Variants in PIP4K2A observed in about 807,000 individuals in gnomAD.
PIP4K2A encodes phosphatidylinositol-5-phosphate 4-kinase type 2 alpha, also known as phosphatidylinositol 5-phosphate 4-kinase type-2 alpha.
PIP4K2A carries 14 observed loss-of-function variants against 42.9 expected under a neutral mutation model. The ratio of observed to expected loss-of-function variants is 0.33; its 90% CI spans 0.22 to 0.51. The LOEUF is 0.51. PIP4K2A is among the 20% of genes least tolerant of loss of function. The pLI is 0.97. For missense variants in PIP4K2A, 434 were observed against 519.8 expected (o/e 0.83, Z 1.61); for synonymous variants, 192 against 192.2 (o/e 1.00, Z 0.01).
chr10:22,673,298 T>TA (rs1167535653), intron 1 of PIP4K2A, among the ~76,000 whole-genome samples: 1 of 152,238 alleles, frequency 6.6e-6, no homozygotes, highest in Admixed American at 6.5e-5. Flanking sequence ...CCAACTAAAC[T>TA]GATTCCTTAC....
chr10:22,600,655 G>T (rs920066778), intron 3 of PIP4K2A, among the ~76,000 whole-genome samples: 3 of 152,152 alleles, frequency 2.0e-5, no homozygotes, highest in Non-Finnish European at 4.4e-5. Flanking sequence ...ATGATTACAT[G>T]CCTCGAATCA....
intron 5 of PIP4K2A, among the ~76,000 whole-genome samples, chr10:22,571,873 A>G (rs930046443): frequency 1.3e-5 from 2 of 152,250 alleles, no homozygotes; most frequent in African/African-American, 4.8e-5. Context: ...ACTATCTCAC[A>G]TTAAGTCAAG....
chr10:22,675,138 ATCAT>A (rs1484557010), intron 1 of PIP4K2A, among the ~76,000 whole-genome samples: 1 of 152,208 alleles, frequency 6.6e-6, no homozygotes, highest in Non-Finnish European at 1.5e-5. Flanking sequence ...TAATTTACAT[ATCAT>A]TCATTCAATG....
chr10:22,614,514 C>A (rs902833519), intron 1 of PIP4K2A, among the ~76,000 whole-genome samples: 4 of 152,118 alleles, frequency 2.6e-5, no homozygotes, highest in Non-Finnish European at 5.9e-5. Context: ...CCTCCGGATT[C>A]CCCCCAGAAA....
At chr10:22,629,951 G>A (rs924384563) in intron 1 of PIP4K2A, among the ~76,000 whole-genome samples, 1 of 152,130 alleles carries the variant, frequency 6.6e-6, no homozygotes, top group Admixed American at 6.5e-5. Flanking sequence ...AAAAGGAAGC[G>A]GTATTAGATG....
At chr10:22,583,514 G>A (rs1435404234) in intron 4 of PIP4K2A, among the ~76,000 whole-genome samples, 1 of 152,172 alleles carries the variant, frequency 6.6e-6, no homozygotes, top group African/African-American at 2.4e-5. Flanking sequence ...GAGCCTGTCA[G>A]GAGCACAGGG....
At chr10:22,547,597 A>G (rs1836288501) in intron 7 of PIP4K2A, among the ~76,000 whole-genome samples, 1 of 152,114 alleles carries the variant, frequency 6.6e-6, no homozygotes, top group African/African-American at 2.4e-5. Context: ...CCTCTCACCC[A>G]TCTCCATGGA....
intron 1 of PIP4K2A, among the ~76,000 whole-genome samples, chr10:22,664,240 C>G (rs1202291296): frequency 7.7e-6 from 1 of 130,304 alleles, no homozygotes; most frequent in African/African-American, 3.0e-5. Flanking sequence ...CACACACACA[C>G]ACACACACAC....
At chr10:22,580,458 T>A (rs974781924) in intron 4 of PIP4K2A, among the ~76,000 whole-genome samples, 4 of 151,904 alleles carry the variant, frequency 2.6e-5, no homozygotes, top group African/African-American at 9.7e-5. Flanking sequence ...GAGATCAACC[T>A]GGCCAACATG....
At chr10:22,591,802 G>A (rs1404943330) in intron 3 of PIP4K2A, 21 bp from the exon 4 acceptor site, 2 of 1,591,544 alleles carry the variant, frequency 1.3e-6, no homozygotes, top group Admixed American at 1.8e-5. Flanking sequence ...GGGGTAAGAG[G>A]GGAAGGAAGG....
intron 4 of PIP4K2A, among the ~76,000 whole-genome samples, chr10:22,591,428 C>T (rs553010158): frequency 6.6e-6 from 1 of 152,184 alleles, no homozygotes; most frequent in African/African-American, 2.4e-5. Context: ...TAATGAATGA[C>T]CTTTATAGCA....
At chr10:22,556,748 G>A (rs941769332) in intron 6 of PIP4K2A, among the ~76,000 whole-genome samples, 2 of 152,106 alleles carry the variant, frequency 1.3e-5, no homozygotes, top group Non-Finnish European at 2.9e-5. Flanking sequence ...TGAACCCACT[G>A]GGAACATTTA....
chr10:22,618,613 A>G (rs1379908310), intron 1 of PIP4K2A, among the ~76,000 whole-genome samples: 1 of 152,186 alleles, frequency 6.6e-6, no homozygotes, highest in African/African-American at 2.4e-5. Context: ...AGGCCATCAC[A>G]TTGCACAATC....
intron 3 of PIP4K2A, among the ~76,000 whole-genome samples, chr10:22,597,235 A>C (rs1411270135): frequency 6.6e-6 from 1 of 152,194 alleles, no homozygotes; most frequent in Non-Finnish European, 1.5e-5. Context: ...TTGTGGAATA[A>C]GCCTTTGGGA....
rs542487630 is a variant in PIP4K2A, at chr10:22,613,314, G to A, written c.145-3597C>T. Among the ~76,000 whole-genome samples the A allele has an allele frequency of 4.6e-5, 7 of 152,262 alleles. No individual in the cohort carries two copies. In the South Asian group the frequency reaches 1.0e-3, roughly 23 times the overall value. On this transcript the variant is annotated intron_variant, in intron 1 of 9. Transcript: ENST00000376573. Reference sequence around the variant, plus strand: ...AGGAGCCTGGCAGGGAAGGACAGGAGCGAGATGAAGAGGGATGAGGGACAG... The same window carrying A: ...AGGAGCCTGGCAGGGAAGGACAGGAACGAGATGAAGAGGGATGAGGGACAG...
chr10:22,692,918 C>T (rs1839902687), intron 1 of PIP4K2A, among the ~76,000 whole-genome samples: 1 of 152,174 alleles, frequency 6.6e-6, no homozygotes, highest in Admixed American at 6.5e-5. Flanking sequence ...ATCATTTATT[C>T]AAGGCTGATC....
intron 1 of PIP4K2A, among the ~76,000 whole-genome samples, chr10:22,681,480 C>T (rs1588703916): frequency 6.6e-6 from 1 of 152,096 alleles, no homozygotes; most frequent in Admixed American, 6.5e-5. Flanking sequence ...TTGAGACCAG[C>T]CTTGGCAACA....
At position 22,541,950 on chromosome 10, in the gene PIP4K2A, T is replaced by C. The variant is rs767823609; in HGVS notation, c.890A>G (p.Asp297Gly). The change falls in exon 8 of 10, where the codon GAT (aspartate) becomes GGT (glycine). Residue 297 changes from aspartate to glycine, a missense_variant. Asp to Gly is a moderately conservative substitution (Grantham distance 94). Transcript: ENST00000376573. ...EQEEVECEENDGEEEGESDGT... is the reference protein window; with the variant it reads ...EQEEVECEENGGEEEGESDGT... The stretch of plus-strand genomic sequence containing the variant: ...ATCGCTCTCGCCCTCCTCCTCCCCA[T>C]CGTTCTCCTCACACTCCACTTCCTC... The C allele has an allele frequency of 2.4e-5, 39 of 1,613,840 alleles. No individual in the cohort carries two copies. The highest frequency in any genetic ancestry group is 8.5e-7 in the Non-Finnish European group (1 of 1,179,956).
rs139471705 is a variant in PIP4K2A, at chr10:22,647,050, A to G, written c.145-37333T>C. On this transcript the variant is annotated intron_variant, in intron 1 of 9. Transcript: ENST00000376573. ...CTCACTGAAACAAACAGAATTGTTTACTTCTACTACAAAGTTTTTTCAAAG... is the reference window on the plus strand; with the variant it reads ...CTCACTGAAACAAACAGAATTGTTTGCTTCTACTACAAAGTTTTTTCAAAG... Among the ~76,000 whole-genome samples the G allele has an allele frequency of 5.3e-3, 802 of 152,298 alleles. 10 individuals are homozygous for G. Among genetic ancestry groups the G allele is most frequent in the African/African-American group, 0.018 (759 of 41,560 alleles).
Sources: gnomAD v4.1 joint callset for allele counts (sites outside exome capture counted in the v4.1 genomes callset) on GRCh38, gnomAD v4.1.1 for gene constraint, MANE v1.5 for transcripts, NCBI Gene and HGNC (gene_info 2026-07-23, HGNC 2026-07-21) for gene names.